The following GMDS variants were observed in gnomAD, a reference collection of about 807,000 sequenced individuals.
The protein encoded by GMDS is GDP-mannose 4,6 dehydratase.
Under a neutral mutation model 49.9 loss-of-function variants are expected in GMDS, and 20 were observed. The observed-to-expected ratio is 0.40, with a 90% CI of 0.28 to 0.58. The LOEUF is 0.58. GMDS is among the 20% of genes least tolerant of loss of function. The pLI, the probability that GMDS is intolerant of heterozygous loss-of-function variation, is 0.42. For synonymous variants in GMDS, 177 were observed against 178.6 expected (o/e 0.99, Z 0.07); for missense variants, 362 against 481.4 (o/e 0.75, Z 2.32).
At position 2,082,733 on chromosome 6, in the gene GMDS, C is replaced by G. The variant is rs80285900; in HGVS notation, c.345+33038G>C. Among the ~76,000 whole-genome samples the G allele has an allele frequency of 1.3e-3, 202 of 152,284 alleles. 4 individuals are homozygous for G. In the East Asian group the frequency reaches 0.036, roughly 27 times the overall value. ...ATATTGCACACTGTAAGAACATATA[C>G]TGGTTTGTAAAATTTCTGTTTTCAA... On this transcript the variant is annotated intron_variant, in intron 4 of 10. Transcript: ENST00000380815.
intron 4 of GMDS, among the ~76,000 whole-genome samples, chr6:1,976,749 T>C (rs1281439490): frequency 1.3e-5 from 2 of 152,236 alleles, no homozygotes; most frequent in African/African-American, 4.8e-5. Flanking sequence ...AGCATCTTTC[T>C]AATAGAAACA....
At chr6:1,651,020 G>A (rs796961778) in intron 9 of GMDS, among the ~76,000 whole-genome samples, 17 of 152,318 alleles carry the variant, frequency 1.1e-4, no homozygotes, top group African/African-American at 3.8e-4. Flanking sequence ...GAGAAGGCAG[G>A]GCCAGCTCTA....
intron 7 of GMDS, among the ~76,000 whole-genome samples, chr6:1,842,264 T>C (rs1168265740): frequency 6.6e-6 from 1 of 152,234 alleles, no homozygotes; most frequent in Non-Finnish European, 1.5e-5. Context: ...TCCCACCTTC[T>C]CCTTTCTGAA....
chr6:1,933,037 T>C (rs1385541610), intron 6 of GMDS, among the ~76,000 whole-genome samples: 1 of 152,200 alleles, frequency 6.6e-6, no homozygotes, highest in Non-Finnish European at 1.5e-5. Flanking sequence ...ACTCACCAGT[T>C]TTCTCCTAGT....
chr6:2,135,159 C>T (rs895751564), intron 1 of GMDS, among the ~76,000 whole-genome samples: 4 of 152,192 alleles, frequency 2.6e-5, no homozygotes, highest in African/African-American at 4.8e-5. Flanking sequence ...TAAGATGCCA[C>T]AGCAGTTTTT....
At chr6:1,963,341 C>T (rs935986641) in intron 4 of GMDS, among the ~76,000 whole-genome samples, 19 of 152,320 alleles carry the variant, frequency 1.2e-4, no homozygotes, top group African/African-American at 3.8e-4. Flanking sequence ...GCATGTGGTA[C>T]AGTGCTGGGC....
chr6:1,932,594 G>A (rs1376302788), intron 6 of GMDS, among the ~76,000 whole-genome samples: 1 of 147,270 alleles, frequency 6.8e-6, no homozygotes, highest in African/African-American at 2.5e-5. Flanking sequence ...CTGGAGTGCA[G>A]TGGCGCGATC....
At chr6:2,179,546 A>C (rs1161142185) in intron 1 of GMDS, among the ~76,000 whole-genome samples, 1 of 152,224 alleles carries the variant, frequency 6.6e-6, no homozygotes, top group Non-Finnish European at 1.5e-5. Flanking sequence ...AACATCCTCC[A>C]GAGGATGCCA....
intron 7 of GMDS, among the ~76,000 whole-genome samples, chr6:1,754,085 T>C (rs975425742): frequency 5.9e-5 from 9 of 152,062 alleles, no homozygotes; most frequent in Admixed American, 2.6e-4. Flanking sequence ...AAAAAATCAA[T>C]GAATACAGGA....
chr6:2,080,827 G>A (rs1181599954), intron 4 of GMDS, among the ~76,000 whole-genome samples: 2 of 152,156 alleles, frequency 1.3e-5, no homozygotes, highest in African/African-American at 4.8e-5. Context: ...GGTGTCATCA[G>A]AGCTGAATTA....
chr6:2,109,985 G>C (rs1260862629), intron 4 of GMDS, among the ~76,000 whole-genome samples: 2 of 152,028 alleles, frequency 1.3e-5, no homozygotes, highest in South Asian at 2.1e-4. Flanking sequence ...GGCTCCCCAG[G>C]GTCCAAAATA....
In GMDS at chr6:2,230,186, T is replaced by C. The variant is rs192738547; in HGVS notation, c.102+15135A>G. Reference sequence around the variant, plus strand: ...CTTTCCCAAATCCAAACGTTAAGCATTATCTACATCAGTCAATGTCCTACT... The same window carrying C: ...CTTTCCCAAATCCAAACGTTAAGCACTATCTACATCAGTCAATGTCCTACT... On this transcript the variant is annotated intron_variant, in intron 1 of 10. Transcript: ENST00000380815. 4.6e-5 allele frequency among the ~76,000 whole-genome samples: 7 copies of C among 152,334 alleles called. No homozygotes were observed. The East Asian group carries it at 1.2e-3, about 25-fold the overall frequency.
At chr6:1,802,866 T>C (rs554563891) in intron 7 of GMDS, among the ~76,000 whole-genome samples, 5 of 152,372 alleles carry the variant, frequency 3.3e-5, no homozygotes, top group East Asian at 1.9e-4. Context: ...CCTGTTTCAA[T>C]TACGACTTTC....
intron 9 of GMDS, among the ~76,000 whole-genome samples, chr6:1,696,392 T>G (rs1400830763): frequency 1.3e-5 from 2 of 152,244 alleles, no homozygotes; most frequent in African/African-American, 4.8e-5. Flanking sequence ...TGAAGAACCA[T>G]TTTCCTCCTG....
At chr6:1,878,137 C>T (rs972052968) in intron 7 of GMDS, among the ~76,000 whole-genome samples, 1 of 151,888 alleles carries the variant, frequency 6.6e-6, no homozygotes, top group African/African-American at 2.4e-5. Context: ...CATGGTGAAA[C>T]CCCGTCTCTA....
intron 4 of GMDS, among the ~76,000 whole-genome samples, chr6:2,065,868 C>G (rs1358277470): frequency 6.6e-6 from 1 of 152,178 alleles, no homozygotes; most frequent in Non-Finnish European, 1.5e-5. Flanking sequence ...TCCAGAAGAA[C>G]TTCCCCAATC....
At chr6:1,926,691 T>C (rs1443655756) in intron 7 of GMDS, among the ~76,000 whole-genome samples, 1 of 152,232 alleles carries the variant, frequency 6.6e-6, no homozygotes, top group Admixed American at 6.5e-5. Flanking sequence ...TGAAGTAATC[T>C]TATGTTAATA....
At chr6:1,735,647 C>T (rs1473534720) in intron 8 of GMDS, among the ~76,000 whole-genome samples, 1 of 152,174 alleles carries the variant, frequency 6.6e-6, no homozygotes, top group Non-Finnish European at 1.5e-5. Flanking sequence ...TGCCTCCATG[C>T]CTTTTCTCAT....
At chr6:2,233,919 A>G (rs1175783909) in intron 1 of GMDS, among the ~76,000 whole-genome samples, 2 of 152,228 alleles carry the variant, frequency 1.3e-5, no homozygotes, top group Admixed American at 6.5e-5. Flanking sequence ...GCACATCTAC[A>G]TTCCCATTCC....
Sources: allele counts gnomAD v4.1 joint callset (sites outside exome capture counted in the v4.1 genomes callset), GRCh38; gene constraint gnomAD v4.1.1; transcripts MANE v1.5; gene names NCBI Gene and HGNC (gene_info 2026-07-23, HGNC 2026-07-21).